Variants in EPHA7 observed in about 807,000 individuals in gnomAD.
EPHA7 encodes the protein EPH receptor A7.
A neutral mutation model predicts 112.6 loss-of-function variants in EPHA7; 25 were observed. That is an observed-to-expected ratio of 0.22 (90% CI 0.16 to 0.31). The LOEUF is 0.31. Ranked by LOEUF, EPHA7 falls within the 10% of genes least tolerant of loss-of-function variation. The probability of loss-of-function intolerance (pLI) is 1.00; values close to 1 mark genes in which losing one functional copy is unlikely to be tolerated. For missense variants in EPHA7, 962 were observed against 1,212.6 expected (o/e 0.79, Z 3.07); for synonymous variants, 437 against 406.5 (o/e 1.07, Z -0.90).
intron 3 of EPHA7, among the ~76,000 whole-genome samples, chr6:93,385,368 CAGAA>C (rs1777548121): frequency 1.3e-5 from 2 of 152,074 alleles, no homozygotes; most frequent in Admixed American, 1.3e-4. Flanking sequence ...ATCTAGCAGT[CAGAA>C]AGGAATAATA....
At chr6:93,332,526 A>G (rs889975496) in intron 5 of EPHA7, among the ~76,000 whole-genome samples, 2 of 148,506 alleles carry the variant, frequency 1.3e-5, no homozygotes, top group African/African-American at 4.9e-5. Context: ...TAGGAACTCA[A>G]TTATAATGTT....
chr6:93,359,367 T>C (rs1309294136), intron 3 of EPHA7, among the ~76,000 whole-genome samples: 1 of 150,444 alleles, frequency 6.6e-6, no homozygotes, highest in Non-Finnish European at 1.5e-5. Flanking sequence ...TTTTTATTAA[T>C]ATAATATATT....
chr6:93,322,085 T>C (rs1321247666), intron 5 of EPHA7, among the ~76,000 whole-genome samples: 2 of 151,812 alleles, frequency 1.3e-5, no homozygotes, highest in Admixed American at 1.3e-4. Context: ...CAATATGTCA[T>C]AAGCTAAGCA....
At chr6:93,310,147 AG>A (rs1329102645) in intron 5 of EPHA7, among the ~76,000 whole-genome samples, 2 of 152,212 alleles carry the variant, frequency 1.3e-5, no homozygotes, top group Admixed American at 1.3e-4. Flanking sequence ...TGGTGCTAAA[AG>A]GTTTTGGAAT....
chr6:93,294,396 C>A (rs1772545317), intron 5 of EPHA7, among the ~76,000 whole-genome samples: 1 of 152,036 alleles, frequency 6.6e-6, no homozygotes, highest in South Asian at 2.1e-4. Flanking sequence ...GTTAAAATGT[C>A]TATTGTGATG....
At chr6:93,296,329 T>C (rs544490843) in intron 5 of EPHA7, among the ~76,000 whole-genome samples, 58 of 150,896 alleles carry the variant, frequency 3.8e-4, no homozygotes, top group African/African-American at 1.3e-3. Flanking sequence ...CTAAAAATAT[T>C]TGTACTCCCT....
At chr6:93,254,150 A>G (rs2127854496) in intron 14 of EPHA7, among the ~76,000 whole-genome samples, 1 of 152,274 alleles carries the variant, frequency 6.6e-6, no homozygotes, top group Admixed American at 6.5e-5. Flanking sequence ...TATCACTATG[A>G]AACATTTACT....
At chr6:93,280,488 T>C (rs2127895955) in intron 5 of EPHA7, among the ~76,000 whole-genome samples, 1 of 152,332 alleles carries the variant, frequency 6.6e-6, no homozygotes, top group African/African-American at 2.4e-5. Flanking sequence ...GATTTCATTT[T>C]CTGTTGATAG....
intron 3 of EPHA7, among the ~76,000 whole-genome samples, chr6:93,390,529 CATG>C (rs1384756153): frequency 6.8e-6 from 1 of 147,832 alleles, no homozygotes; most frequent in African/African-American, 2.5e-5. Flanking sequence ...CATTGACTGT[CATG>C]ATGCCTGTAA....
intron 5 of EPHA7, among the ~76,000 whole-genome samples, chr6:93,316,104 G>C (rs1021754165): frequency 6.6e-6 from 1 of 152,154 alleles, no homozygotes; most frequent in African/African-American, 2.4e-5. Context: ...TGCTAACATA[G>C]GAAGGGCCTG....
chr6:93,246,201 G>A (rs987779130), intron 15 of EPHA7, among the ~76,000 whole-genome samples: 5 of 151,746 alleles, frequency 3.3e-5, no homozygotes, highest in Non-Finnish European at 5.9e-5. Context: ...ACAGGCGCCC[G>A]CCACCACGCC....
In EPHA7 at chr6:93,364,820, T is replaced by A. The variant is rs116363999; in HGVS notation, c.833-6409A>T. ...CTATTATCAAGGTATTGTTTTAACCTATTTGTTAATTTAGTATGTATTTTT... is the reference window on the plus strand; with the variant it reads ...CTATTATCAAGGTATTGTTTTAACCAATTTGTTAATTTAGTATGTATTTTT... On this transcript the variant is annotated intron_variant, in intron 3 of 16. Transcript: ENST00000369303. Among the ~76,000 whole-genome samples, 589 of 152,252 alleles carry A rather than the reference T, an allele frequency of 3.9e-3. 6 individuals are homozygous for A. Among genetic ancestry groups the A allele is most frequent in the African/African-American group, 0.013 (537 of 41,556 alleles).
intron 3 of EPHA7, among the ~76,000 whole-genome samples, chr6:93,374,554 A>T (rs772422049): frequency 8.5e-5 from 13 of 152,158 alleles, no homozygotes; most frequent in Non-Finnish European, 1.8e-4. Context: ...TTGTGGTTTT[A>T]TGTATATTTA....
At chr6:93,247,075 A>G (rs1769988785) in intron 14 of EPHA7, 90 bp from the exon 15 acceptor site, 3 of 1,160,936 alleles carry the variant, frequency 2.6e-6, no homozygotes, top group South Asian at 1.9e-5. Flanking sequence ...ATTTATCCAG[A>G]GAAGAATGAG....
At chr6:93,314,071 T>G (rs1243633381) in intron 5 of EPHA7, among the ~76,000 whole-genome samples, 1 of 150,630 alleles carries the variant, frequency 6.6e-6, no homozygotes, top group Non-Finnish European at 1.5e-5. Flanking sequence ...TTTCTCCTGT[T>G]TTTTTTTCTG....
At position 93,242,023 on chromosome 6, in the gene EPHA7, G is replaced by C. The variant is rs1020166198; in HGVS notation, c.*1403C>G. 1.9e-5 allele frequency: 4 copies of C among 208,554 alleles called. No homozygotes were observed. The highest frequency in any genetic ancestry group is 9.1e-5 in the African/African-American group (4 of 43,974). The allele number at this position is 208,554 out of a possible 1,614,324, so 12.9% of individuals were successfully genotyped here. On this transcript the variant is annotated 3_prime_UTR_variant, in exon 17 of 17. Transcript: ENST00000369303. ...AGTACAACAGTTCAATTCTGGGGTA[G>C]TTCATGATTTTCATAAGTTTTGAAA...
At chr6:93,383,489 G>A (rs1475777211) in intron 3 of EPHA7, among the ~76,000 whole-genome samples, 1 of 151,856 alleles carries the variant, frequency 6.6e-6, no homozygotes, top group Non-Finnish European at 1.5e-5. Context: ...AGTAAACGCT[G>A]GTCCCTGAAC....
At chr6:93,335,899 T>C (rs1412760619) in intron 5 of EPHA7, among the ~76,000 whole-genome samples, 1 of 152,106 alleles carries the variant, frequency 6.6e-6, no homozygotes, top group Non-Finnish European at 1.5e-5. Context: ...CTTGATATAA[T>C]CCAGAAATGG....
chr6:93,393,765 G>A (rs1427446014), intron 3 of EPHA7, among the ~76,000 whole-genome samples: 2 of 151,624 alleles, frequency 1.3e-5, no homozygotes, highest in East Asian at 3.9e-4. Context: ...TCGAACACCT[G>A]GCTAAATCCA....
Sources: allele counts gnomAD v4.1 joint callset (sites outside exome capture counted in the v4.1 genomes callset), GRCh38; gene constraint gnomAD v4.1.1; transcripts MANE v1.5; gene names NCBI Gene and HGNC (gene_info 2026-07-23, HGNC 2026-07-21).